Variants in MMP16 observed in about 807,000 individuals in gnomAD.
MMP16 encodes matrix metallopeptidase 16.
In MMP16, 12 loss-of-function variants were observed where a neutral mutation model predicts 67.8. That is an observed-to-expected ratio of 0.18 (90% CI 0.11 to 0.29). The LOEUF (loss-of-function observed/expected upper bound fraction) is 0.29. Ranked by LOEUF, MMP16 falls within the 10% of genes least tolerant of loss-of-function variation. The pLI, the probability that MMP16 is intolerant of heterozygous loss-of-function variation, is 1.00. For missense variants in MMP16, 475 were observed against 765.7 expected (o/e 0.62, Z 4.48); for synonymous variants, 249 against 255.9 (o/e 0.97, Z 0.26).
intron 6 of MMP16, among the ~76,000 whole-genome samples, chr8:88,109,044 C>A (rs1809289687): frequency 1.3e-5 from 2 of 151,310 alleles, no homozygotes; most frequent in African/African-American, 4.8e-5. Flanking sequence ...TCAAGAACTT[C>A]TCTCATGAAG....
At chr8:88,116,835 T>A in intron 5 of MMP16, 117 bp from the exon 6 acceptor site, 2 of 883,432 alleles carry the variant, frequency 2.3e-6, no homozygotes, top group Non-Finnish European at 3.5e-6. Context: ...AACTAAGAGG[T>A]CTTTAAGATC....
intron 6 of MMP16, among the ~76,000 whole-genome samples, chr8:88,084,939 CCAA>C (rs779898291): frequency 2.0e-5 from 3 of 151,860 alleles, no homozygotes; most frequent in Non-Finnish European, 4.4e-5. Flanking sequence ...AAGGCTGCAA[CCAA>C]CATCTTTGTT....
At chr8:88,291,081 G>C (rs746731039) in intron 1 of MMP16, among the ~76,000 whole-genome samples, 9 of 152,064 alleles carry the variant, frequency 5.9e-5, no homozygotes, top group Middle Eastern at 6.8e-3. Flanking sequence ...AAGAGTTTGC[G>C]ATCAGCCTGG....
chr8:88,097,718 A>G (rs1022203352), intron 6 of MMP16, among the ~76,000 whole-genome samples: 3 of 151,730 alleles, frequency 2.0e-5, no homozygotes, highest in African/African-American at 7.3e-5. Flanking sequence ...CCAACCTGCA[A>G]ATGAAAATCA....
At chr8:88,194,163 GTCA>G (rs1342784569) in intron 2 of MMP16, among the ~76,000 whole-genome samples, 3 of 151,816 alleles carry the variant, frequency 2.0e-5, no homozygotes, top group Non-Finnish European at 2.9e-5. Context: ...TACTGCAATT[GTCA>G]TCATTACTTT....
chr8:88,123,584 C>T (rs965830218), intron 4 of MMP16, among the ~76,000 whole-genome samples: 3 of 151,814 alleles, frequency 2.0e-5, no homozygotes, highest in African/African-American at 7.3e-5. Flanking sequence ...ACTATTTATT[C>T]AGCATCTATT....
At chr8:88,106,465 T>C (rs1809243670) in intron 6 of MMP16, among the ~76,000 whole-genome samples, 1 of 151,332 alleles carries the variant, frequency 6.6e-6, no homozygotes, top group Admixed American at 6.6e-5. Flanking sequence ...CTGAAATGAC[T>C]GTTTATGTAC....
At chr8:88,049,633 C>T (rs999933260) in intron 8 of MMP16, among the ~76,000 whole-genome samples, 1 of 152,286 alleles carries the variant, frequency 6.6e-6, no homozygotes, top group African/African-American at 2.4e-5. Flanking sequence ...AGGGTTTCCT[C>T]TCATAATAGA....
intron 4 of MMP16, among the ~76,000 whole-genome samples, chr8:88,153,315 C>T (rs1372870121): frequency 2.3e-4 from 35 of 152,192 alleles, no homozygotes; most frequent in African/African-American, 8.0e-4. Flanking sequence ...GATTCAATGC[C>T]GTCCCCATCA....
At chr8:88,163,511 G>A (rs891804432) in intron 4 of MMP16, among the ~76,000 whole-genome samples, 2 of 151,960 alleles carry the variant, frequency 1.3e-5, no homozygotes, top group Non-Finnish European at 2.9e-5. Context: ...TTGCAACTAC[G>A]TGGTAAAATA....
chr8:88,323,897 G>A (rs1030014825), intron 1 of MMP16, among the ~76,000 whole-genome samples: 2 of 152,042 alleles, frequency 1.3e-5, no homozygotes, highest in Non-Finnish European at 2.9e-5. Context: ...TAATTTAGCT[G>A]CTTCTGACCA....
intron 1 of MMP16, among the ~76,000 whole-genome samples, chr8:88,272,656 A>G (rs758109449): frequency 4.3e-4 from 65 of 152,246 alleles, no homozygotes; most frequent in Admixed American, 1.3e-4. Context: ...GTGTTGTCAC[A>G]AGGAACGGGA....
intron 1 of MMP16, among the ~76,000 whole-genome samples, chr8:88,303,334 A>G (rs1285909526): frequency 6.6e-6 from 1 of 152,176 alleles, no homozygotes; most frequent in Non-Finnish European, 1.5e-5. Context: ...GTTCCCAGGG[A>G]GAGGGATGGC....
intron 1 of MMP16, among the ~76,000 whole-genome samples, chr8:88,288,785 T>C (rs945857848): frequency 2.0e-4 from 30 of 152,340 alleles, no homozygotes; most frequent in African/African-American, 5.5e-4. Flanking sequence ...TCTAGGACTT[T>C]AGCTCAAGGA....
intron 4 of MMP16, among the ~76,000 whole-genome samples, chr8:88,166,984 G>T (rs1168827236): frequency 6.6e-6 from 1 of 151,898 alleles, no homozygotes; most frequent in African/African-American, 2.4e-5. Flanking sequence ...ATCACCTCGT[G>T]AGAGTGGATC....
At chr8:88,088,940 G>C (rs1203188853) in intron 6 of MMP16, among the ~76,000 whole-genome samples, 3 of 152,026 alleles carry the variant, frequency 2.0e-5, no homozygotes, top group Non-Finnish European at 4.4e-5. Flanking sequence ...ATAAAAATAA[G>C]TCAGTAAGTT....
intron 4 of MMP16, among the ~76,000 whole-genome samples, chr8:88,133,618 C>G (rs2118481062): frequency 1.3e-5 from 2 of 151,880 alleles, no homozygotes; most frequent in East Asian, 3.9e-4. Context: ...AGAGATTATG[C>G]AGACATATTT....
At chr8:88,135,438 C>T (rs1808102551) in intron 4 of MMP16, among the ~76,000 whole-genome samples, 1 of 151,672 alleles carries the variant, frequency 6.6e-6, no homozygotes, top group Admixed American at 6.6e-5. Flanking sequence ...GGTTCTAAGA[C>T]AGAAGTATGT....
chr8:88,041,642 T>A lies in MMP16; in HGVS notation c.1643A>T (p.Asp548Val). ...RVKEGHSPPD[D>V]VDIVIKLDNT... ...GTCCAGTTTGATGACAATGTCTACA[T>A]CATCTGGTGGGCTGTGTCCTTCTTT... is the stretch of plus-strand genomic sequence containing the variant. Residue 548 changes from aspartate (D) to valine (V), a missense_variant, in exon 10 of 10, where the codon GAT becomes GTT. By Grantham distance (152) the Asp-to-Val change is radical (BLOSUM62 -3). Coordinates refer to ENST00000286614, the MANE Select transcript of MMP16 (RefSeq NM_005941.5). The surrounding 1 kb of genome is among the most constrained non-coding windows in gnomAD (Gnocchi z 6.0). 6.2e-7 allele frequency: 1 copy of A among 1,614,126 alleles called. No individual in the cohort carries two copies. The highest frequency in any genetic ancestry group is 8.5e-7 in the Non-Finnish European group (1 of 1,180,010).
Sources: gnomAD v4.1 joint callset for allele counts (sites outside exome capture counted in the v4.1 genomes callset) on GRCh38, gnomAD v4.1.1 for gene constraint, Gnocchi (gnomAD v3.1) non-coding constraint, MANE v1.5 for transcripts, NCBI Gene and HGNC (gene_info 2026-07-23, HGNC 2026-07-21) for gene names.